The following DEFB131B variants were observed in gnomAD, a reference collection of about 807,000 sequenced individuals.
The protein encoded by DEFB131B is beta-defensin 131B.
In DEFB131B, 2 loss-of-function variants were observed where a neutral mutation model predicts 2.1. The observed-to-expected ratio is 0.94, with a 90% CI of 0.38 to 2.95. The LOEUF (loss-of-function observed/expected upper bound fraction) is 2.95, where lower values mean the gene tolerates loss of function less well. DEFB131B is among the 30% of genes most tolerant of loss of function. DEFB131B has a pLI of 0.09. For missense variants in DEFB131B, 77 were observed against 78.5 expected, an observed-to-expected ratio of 0.98 and a Z score of 0.07; for synonymous variants, 26 against 25.8, an observed-to-expected ratio of 1.01 and a Z score of -0.03.
Position 71,884,547 on chromosome 11 carries a change from C to G in DEFB131B, c.199C>G (p.Gln67Glu). The change falls in exon 2 of 2, where the codon CAA (glutamine) becomes GAA (glutamate). Residue 67 changes from glutamine (Q) to glutamate (E), a missense_variant. Transcript: ENST00000530210. ...ACTGAAGATCATTCAAATTGATGGA[C>G]AAAAGAAGTGGTGAAAATTCTAACT... ...CKLKIIQIDG[Q>E]KKW 6.2e-7 allele frequency: 1 copy of G among 1,605,070 alleles called. No individual in the cohort carries two copies. The highest frequency in any genetic ancestry group is 8.5e-7 in the Non-Finnish European group (1 of 1,175,858).
chr11:71,879,704 C>T (rs1029501204), intron 1 of DEFB131B, among the ~76,000 whole-genome samples: 67 of 152,124 alleles, frequency 4.4e-4, no homozygotes, highest in Non-Finnish European at 7.8e-4. Flanking sequence ...CACCCCTCAC[C>T]ATTATCTAAT....
At chr11:71,882,012 T>C (rs1203357556) in intron 1 of DEFB131B, among the ~76,000 whole-genome samples, 1 of 151,798 alleles carries the variant, frequency 6.6e-6, no homozygotes, top group Non-Finnish European at 1.5e-5. Context: ...GCTGAGAGAA[T>C]ACCAAGCAAG....
rs2121360775 is a variant in DEFB131B, at chr11:71,884,543, T to C, written c.195T>C (p.Asp65=). 1.2e-6 allele frequency: 2 copies of C among 1,606,274 alleles called. No individual in the cohort carries two copies. The highest frequency in any genetic ancestry group is 2.3e-4 in the Middle Eastern group (1 of 4,418). ...ICCKLKIIQI[D]GQKKW is the part of the protein sequence containing the mutation. ...GCAAACTGAAGATCATTCAAATTGA[T>C]GGACAAAAGAAGTGGTGAAAATTCT... The change falls in exon 2 of 2, where the codon GAT becomes GAC. Residue 65 remains aspartate (D), a synonymous_variant. Coordinates refer to ENST00000530210, the MANE Select transcript of DEFB131B (RefSeq NM_001242853.1).
intron 1 of DEFB131B, among the ~76,000 whole-genome samples, chr11:71,879,739 G>A (rs1345322237): frequency 2.0e-5 from 3 of 152,076 alleles, no homozygotes; most frequent in East Asian, 3.8e-4. Context: ...ATCAGCGCAA[G>A]AAGAAATCTC....
chr11:71,879,075 G>A (rs1379118739), intron 1 of DEFB131B, among the ~76,000 whole-genome samples: 1 of 152,106 alleles, frequency 6.6e-6, no homozygotes, highest in Non-Finnish European at 1.5e-5. Context: ...GATGCACACA[G>A]AACACAGGAA....
chr11:71,884,315 T>G (rs1330456090), intron 1 of DEFB131B, 92 bp from the exon 2 acceptor site: 1 of 1,348,758 alleles, frequency 7.4e-7, no homozygotes, highest in African/African-American at 1.5e-5. Flanking sequence ...GAAAGTTCTG[T>G]AATGCTTTTA....
chr11:71,880,365 C>A (rs1384878776), intron 1 of DEFB131B, among the ~76,000 whole-genome samples: 1 of 151,998 alleles, frequency 6.6e-6, no homozygotes, highest in East Asian at 1.9e-4. Flanking sequence ...GTTGTAATGT[C>A]TCCTGTTTTA....
chr11:71,884,466 T>G lies in DEFB131B; in HGVS notation c.118T>G (p.Cys40Gly), dbSNP rs760846192. The G allele has an allele frequency of 1.2e-6, 2 of 1,610,246 alleles. No homozygotes were observed. Among genetic ancestry groups the G allele is most frequent in the South Asian group, 2.2e-5 (2 of 90,688 alleles). ...PSEYYHCRLK[C>G]NADEHAIRYC... ...AGAATATTATCATTGCAGACTGAAGTGCAATGCTGATGAACATGCAATTAG... is the reference window on the plus strand; with the variant it reads ...AGAATATTATCATTGCAGACTGAAGGGCAATGCTGATGAACATGCAATTAG... The change falls in exon 2 of 2, where the codon TGC becomes GGC. Residue 40 changes from cysteine to glycine, a missense_variant. Cys to Gly is a radical substitution (Grantham distance 159). Transcript: ENST00000530210.
At chr11:71,883,318 T>C (rs1369228771) in intron 1 of DEFB131B, among the ~76,000 whole-genome samples, 1 of 152,198 alleles carries the variant, frequency 6.6e-6, no homozygotes, top group Non-Finnish European at 1.5e-5. Flanking sequence ...GCTAGGGGCA[T>C]CACATTTTCT....
chr11:71,884,277 T>C (rs186228830), intron 1 of DEFB131B, 130 bp from the exon 2 acceptor site: 6 of 1,114,372 alleles, frequency 5.4e-6, no homozygotes, highest in Non-Finnish European at 7.2e-6. Context: ...TCTCTTGCAT[T>C]CTTTTGCTGT....
intron 1 of DEFB131B, among the ~76,000 whole-genome samples, chr11:71,881,252 A>C (rs1343385925): frequency 6.6e-6 from 1 of 152,156 alleles, no homozygotes; most frequent in Non-Finnish European, 1.5e-5. Flanking sequence ...TGGCCCTTTT[A>C]TCATTATATG....
intron 1 of DEFB131B, chr11:71,884,172 C>T (rs1952598909): frequency 1.1e-5 from 4 of 370,142 alleles, no homozygotes; most frequent in Non-Finnish European, 1.9e-5. Flanking sequence ...TAATAGTTCT[C>T]ATTTAAAATT....
intron 1 of DEFB131B, among the ~76,000 whole-genome samples, chr11:71,881,174 A>G (rs182531698): frequency 1.9e-4 from 29 of 152,318 alleles, no homozygotes; most frequent in African/African-American, 6.5e-4. Flanking sequence ...TGACATTTTT[A>G]ATATATCTAT....
chr11:71,881,950 T>G (rs1049766188), intron 1 of DEFB131B, among the ~76,000 whole-genome samples: 3 of 152,120 alleles, frequency 2.0e-5, no homozygotes, highest in African/African-American at 7.2e-5. Flanking sequence ...GAAGAAATTC[T>G]GACTGAGATT....
intron 1 of DEFB131B, among the ~76,000 whole-genome samples, chr11:71,882,259 A>G (rs953340773): frequency 5.9e-5 from 9 of 151,930 alleles, no homozygotes; most frequent in African/African-American, 2.2e-4. Context: ...ACTTAGCAAA[A>G]TTATCTTTTT....
At chr11:71,880,980 A>G (rs748268555) in intron 1 of DEFB131B, among the ~76,000 whole-genome samples, 1 of 152,146 alleles carries the variant, frequency 6.6e-6, no homozygotes, top group African/African-American at 2.4e-5. Flanking sequence ...AAGAATGTGT[A>G]CTCCACAGCT....
intron 1 of DEFB131B, among the ~76,000 whole-genome samples, chr11:71,881,886 T>G (rs555960279): frequency 6.6e-6 from 1 of 152,072 alleles, no homozygotes; most frequent in Non-Finnish European, 1.5e-5. Flanking sequence ...AGGAAAAATA[T>G]ATGTGTAATG....
intron 1 of DEFB131B, among the ~76,000 whole-genome samples, chr11:71,878,836 A>C (rs1952541622): frequency 1.3e-5 from 2 of 151,874 alleles, no homozygotes; most frequent in Non-Finnish European, 2.9e-5. Flanking sequence ...ACAAAAAAAA[A>C]AAAAATACAA....
At chr11:71,878,962 T>C (rs1467693572) in intron 1 of DEFB131B, among the ~76,000 whole-genome samples, 1 of 152,132 alleles carries the variant, frequency 6.6e-6, no homozygotes, top group Non-Finnish European at 1.5e-5. Flanking sequence ...TTCATGCCAC[T>C]GCACACCAGC....
Sources: gnomAD v4.1 joint callset for allele counts (sites outside exome capture counted in the v4.1 genomes callset) on GRCh38, gnomAD v4.1.1 for gene constraint, MANE v1.5 for transcripts, NCBI Gene and HGNC (gene_info 2026-07-23, HGNC 2026-07-21) for gene names.